The following PREP variants were observed in gnomAD, a reference collection of about 807,000 sequenced individuals.
PREP encodes dJ355L5.1 (prolyl endopeptidase).
PREP carries 29 observed loss-of-function variants against 87.6 expected under a neutral mutation model. That is an observed-to-expected ratio of 0.33 (90% CI 0.25 to 0.45). The LOEUF (loss-of-function observed/expected upper bound fraction) is 0.45. Ranked by LOEUF, PREP falls within the 20% of genes least tolerant of loss-of-function variation. The pLI, the probability that PREP is intolerant of heterozygous loss-of-function variation, is 1.00. For missense variants in PREP, 695 were observed against 886.5 expected (o/e 0.78, Z 2.74); for synonymous variants, 337 against 328.6 (o/e 1.03, Z -0.28).
chr6:105,298,171 AG>A (rs1440796243), intron 10 of PREP: 11 of 152,248 alleles, frequency 7.2e-5, no homozygotes, highest in African/African-American at 2.4e-4. Context: ...GTTGTGAAGA[AG>A]CAAGCAGCCA....
chr6:105,320,419 C>G (rs751835606), intron 10 of PREP, among the ~76,000 whole-genome samples: 21 of 152,180 alleles, frequency 1.4e-4, no homozygotes, highest in Non-Finnish European at 7.3e-5. Flanking sequence ...AATATGACAC[C>G]AGATCCCTCA....
chr6:105,353,504 T>C (rs1295060427), intron 6 of PREP, among the ~76,000 whole-genome samples: 1 of 152,044 alleles, frequency 6.6e-6, no homozygotes, highest in Non-Finnish European at 1.5e-5. Context: ...GGCGCAGTGG[T>C]TCACGCCTGT....
At chr6:105,328,332 A>G (rs1771227741) in intron 9 of PREP, among the ~76,000 whole-genome samples, 1 of 151,182 alleles carries the variant, frequency 6.6e-6, no homozygotes, top group African/African-American at 2.4e-5. Flanking sequence ...ATCTCGGCTC[A>G]CTGCAACCTC....
intron 10 of PREP, among the ~76,000 whole-genome samples, chr6:105,302,111 T>A (rs541501250): frequency 6.6e-6 from 1 of 152,176 alleles, no homozygotes; most frequent in Admixed American, 6.5e-5. Flanking sequence ...TGGTCTGATC[T>A]CTTTGTAGTT....
chr6:105,397,160 G>C (rs1195657350), intron 2 of PREP, among the ~76,000 whole-genome samples: 3 of 140,090 alleles, frequency 2.1e-5, no homozygotes, highest in African/African-American at 5.9e-5. Context: ...CCTACAGCCT[G>C]GGTGACAGAG....
chr6:105,392,907 A>C (rs891246016), intron 2 of PREP, among the ~76,000 whole-genome samples: 1 of 152,170 alleles, frequency 6.6e-6, no homozygotes, highest in Admixed American at 6.5e-5. Context: ...AGCATACTTC[A>C]GGTGTCAGAG....
At chr6:105,337,912 C>G (rs560474503) in intron 7 of PREP, among the ~76,000 whole-genome samples, 47 of 152,206 alleles carry the variant, frequency 3.1e-4, no homozygotes, top group Admixed American at 2.0e-4. Context: ...CTTTGTTTAT[C>G]CAGTGACAAA....
At chr6:105,355,092 GTT>G (rs1213054816) in intron 6 of PREP, among the ~76,000 whole-genome samples, 4 of 135,586 alleles carry the variant, frequency 3.0e-5, no homozygotes, top group Admixed American at 7.4e-5. Context: ...TCGGGTTGTA[GTT>G]TTTTTTTTTT....
chr6:105,372,224 AAAG>A (rs1772578200), intron 5 of PREP, among the ~76,000 whole-genome samples: 1 of 152,086 alleles, frequency 6.6e-6, no homozygotes, highest in African/African-American at 2.4e-5. Context: ...AAAAAACAGA[AAAG>A]AAAGCAAGGA....
At chr6:105,288,143 G>C (rs535199320) in intron 11 of PREP, among the ~76,000 whole-genome samples, 202 of 152,296 alleles carry the variant, frequency 1.3e-3, no homozygotes, top group African/African-American at 4.5e-3. Context: ...ACTGAAGAAA[G>C]GAGCTTCCTT....
At chr6:105,377,668 C>G in intron 2 of PREP, 149 bp from the exon 3 acceptor site, 1 of 789,628 alleles carries the variant, frequency 1.3e-6, no homozygotes, top group Non-Finnish European at 2.0e-6. Flanking sequence ...CCTCCTTACT[C>G]TTCTTCATAC....
rs576314923 is a variant in PREP at position 105,371,231 on chromosome 6, G to A, written c.595+2138C>T. Among the ~76,000 whole-genome samples, 41 of 152,236 alleles carry A rather than the reference G, an allele frequency of 2.7e-4. No homozygotes were observed. The South Asian group carries it at 5.8e-3, about 22-fold the overall frequency. On this transcript the variant is annotated intron_variant, in intron 5 of 14. Transcript: ENST00000652536. ...TTAAAAAGTTAAGTATCGGCCAGGC[G>A]TGGTGGCTCACGCCTATAATCCCAG... is the stretch of plus-strand genomic sequence containing the variant.
intron 8 of PREP, among the ~76,000 whole-genome samples, chr6:105,329,383 C>A (rs1390598866): frequency 1.3e-5 from 2 of 152,142 alleles, no homozygotes; most frequent in Admixed American, 1.3e-4. Context: ...GAACTCCTGG[C>A]CTCAAGAGAT....
chr6:105,390,340 A>G (rs1773107915), intron 2 of PREP, among the ~76,000 whole-genome samples: 1 of 152,264 alleles, frequency 6.6e-6, no homozygotes, highest in Non-Finnish European at 1.5e-5. Flanking sequence ...TTCAGAAGGA[A>G]CGAATATAAA....
chr6:105,279,936 C>T (rs1770042825), intron 14 of PREP, among the ~76,000 whole-genome samples: 2 of 151,974 alleles, frequency 1.3e-5, no homozygotes, highest in African/African-American at 4.8e-5. Flanking sequence ...TTAGATATTC[C>T]TTCTTCAAAT....
intron 10 of PREP, among the ~76,000 whole-genome samples, chr6:105,310,598 G>A (rs1004830605): frequency 6.6e-6 from 1 of 152,054 alleles, no homozygotes; most frequent in Non-Finnish European, 1.5e-5. Flanking sequence ...GTCTCTGTTG[G>A]TTCAGCTCTC....
At chr6:105,297,505 A>C (rs1770433989) in intron 10 of PREP, among the ~76,000 whole-genome samples, 1 of 152,222 alleles carries the variant, frequency 6.6e-6, no homozygotes, top group Non-Finnish European at 1.5e-5. Flanking sequence ...AGTTAAACAA[A>C]ATTACTTCCT....
At chr6:105,400,213 T>A (rs902530801) in intron 1 of PREP, among the ~76,000 whole-genome samples, 1 of 152,202 alleles carries the variant, frequency 6.6e-6, no homozygotes, top group Admixed American at 6.5e-5. Context: ...TGCTAATCAT[T>A]CTTGATCTCC....
At chr6:105,388,132 C>T (rs1309790101) in intron 2 of PREP, among the ~76,000 whole-genome samples, 1 of 152,104 alleles carries the variant, frequency 6.6e-6, no homozygotes, top group Non-Finnish European at 1.5e-5. Flanking sequence ...AGCTGTGCTG[C>T]CACTACAGAA....
Sources: allele counts gnomAD v4.1 joint callset (sites outside exome capture counted in the v4.1 genomes callset), GRCh38; gene constraint gnomAD v4.1.1; transcripts MANE v1.5; gene names NCBI Gene and HGNC (gene_info 2026-07-23, HGNC 2026-07-21).